The following PPARGC1A variants were observed in gnomAD, a reference collection of about 807,000 sequenced individuals.
PPARGC1A encodes PPARG coactivator 1 alpha, also known as peroxisome proliferator-activated receptor gamma coactivator 1-alpha.
PPARGC1A carries 25 observed loss-of-function variants against 88.7 expected under a neutral mutation model. The ratio of observed to expected loss-of-function variants is 0.28; its 90% CI spans 0.21 to 0.39. The LOEUF (loss-of-function observed/expected upper bound fraction) is 0.39, where lower values mean the gene tolerates loss of function less well. PPARGC1A is among the 10% of genes least tolerant of loss of function. The probability of loss-of-function intolerance (pLI) is 1.00; values close to 1 mark genes in which losing one functional copy is unlikely to be tolerated. For missense variants in PPARGC1A, 880 were observed against 968.7 expected (o/e 0.91, Z 1.22); for synonymous variants, 363 against 355.6 (o/e 1.02, Z -0.24).
chr4:24,181,909 T>C, the PPARGC1A span, among the ~76,000 whole-genome samples: 1 of 152,058 alleles, frequency 6.6e-6, no homozygotes, highest in South Asian at 2.1e-4. Flanking sequence ...TAAAGTTCCC[T>C]TATCCTGTGA....
chr4:24,052,378 T>G, the PPARGC1A span, among the ~76,000 whole-genome samples: 1 of 152,288 alleles, frequency 6.6e-6, no homozygotes, highest in South Asian at 2.1e-4. Context: ...GGTTCACACC[T>G]GTAATCCCAG....
At chr4:24,461,491 GAGAA>G in the PPARGC1A span, among the ~76,000 whole-genome samples, 1 of 152,186 alleles carries the variant, frequency 6.6e-6, no homozygotes, top group Non-Finnish European at 1.5e-5. Flanking sequence ...GGGAGAGACA[GAGAA>G]AGAGAGGGTG....
chr4:24,277,356 T>C, the PPARGC1A span, among the ~76,000 whole-genome samples: 8 of 152,260 alleles, frequency 5.3e-5, no homozygotes, highest in East Asian at 1.5e-3. Context: ...TTCTGGTGGC[T>C]TACTTTCTCC....
At chr4:23,998,419 C>A in the PPARGC1A span, among the ~76,000 whole-genome samples, 1 of 151,882 alleles carries the variant, frequency 6.6e-6, no homozygotes, top group Non-Finnish European at 1.5e-5. Flanking sequence ...CATATAACGG[C>A]AAACCTACGG....
chr4:24,155,553 A>G, the PPARGC1A span, among the ~76,000 whole-genome samples: 1 of 151,572 alleles, frequency 6.6e-6, no homozygotes, highest in African/African-American at 2.4e-5. Context: ...GTGAGCCAAG[A>G]TCTCACCACT....
the PPARGC1A span, among the ~76,000 whole-genome samples, chr4:24,322,978 G>A: frequency 6.6e-6 from 1 of 152,150 alleles, no homozygotes; most frequent in Non-Finnish European, 1.5e-5. Flanking sequence ...CGGAAAAGCA[G>A]CATATACTAT....
At chr4:24,349,912 G>C in the PPARGC1A span, among the ~76,000 whole-genome samples, 1 of 152,170 alleles carries the variant, frequency 6.6e-6, no homozygotes, top group Non-Finnish European at 1.5e-5. Context: ...CCACCCTCCC[G>C]ATGGATCCCT....
At chr4:24,031,698 C>T in the PPARGC1A span, among the ~76,000 whole-genome samples, 2 of 152,152 alleles carry the variant, frequency 1.3e-5, no homozygotes, top group Non-Finnish European at 2.9e-5. Flanking sequence ...TAGCACCCCA[C>T]CCCTAAATGT....
At chr4:24,077,316 C>A in the PPARGC1A span, among the ~76,000 whole-genome samples, 1 of 152,070 alleles carries the variant, frequency 6.6e-6, no homozygotes, top group African/African-American at 2.4e-5. Context: ...TTCATAAAGA[C>A]CTTGTATATC....
chr4:24,259,510 G>A, the PPARGC1A span, among the ~76,000 whole-genome samples: 1 of 152,074 alleles, frequency 6.6e-6, no homozygotes, highest in African/African-American at 2.4e-5. Flanking sequence ...TATATGAGGT[G>A]GTCCCATAAC....
chr4:24,062,107 T>C, the PPARGC1A span, among the ~76,000 whole-genome samples: 2 of 152,068 alleles, frequency 1.3e-5, no homozygotes, highest in Admixed American at 6.6e-5. Context: ...GCAAACTCAA[T>C]CCTAAGACAT....
chr4:23,945,436 A>G, the PPARGC1A span, among the ~76,000 whole-genome samples: 1 of 152,202 alleles, frequency 6.6e-6, no homozygotes, highest in East Asian at 1.9e-4. Flanking sequence ...ACAAGGGAAA[A>G]AAACCAGTGC....
chr4:24,184,462 G>C, the PPARGC1A span, among the ~76,000 whole-genome samples: 1 of 152,208 alleles, frequency 6.6e-6, no homozygotes, highest in Admixed American at 6.6e-5. Flanking sequence ...TCCATACCTG[G>C]TATTGTGGGA....
the PPARGC1A span, among the ~76,000 whole-genome samples, chr4:24,207,497 G>T: frequency 6.6e-6 from 1 of 152,200 alleles, no homozygotes; most frequent in Admixed American, 6.5e-5. Flanking sequence ...TAAAGAGGCA[G>T]ATCATCAACA....
At chr4:24,074,509 A>C in the PPARGC1A span, among the ~76,000 whole-genome samples, 2 of 152,096 alleles carry the variant, frequency 1.3e-5, no homozygotes, top group Non-Finnish European at 2.9e-5. Flanking sequence ...ATATAATGTA[A>C]GTTGTCCAAC....
chr4:24,440,988 C>T, the PPARGC1A span, among the ~76,000 whole-genome samples: 2 of 152,190 alleles, frequency 1.3e-5, no homozygotes, highest in Non-Finnish European at 2.9e-5. Flanking sequence ...GCAGCTGCTT[C>T]CCCCAGAAAA....
the PPARGC1A span, among the ~76,000 whole-genome samples, chr4:24,224,887 G>C: frequency 6.6e-6 from 1 of 152,152 alleles, no homozygotes; most frequent in African/African-American, 2.4e-5. Flanking sequence ...AAGACTTGAG[G>C]AAACTACAAG....
chr4:24,297,266 T>C, the PPARGC1A span, among the ~76,000 whole-genome samples: 1 of 152,158 alleles, frequency 6.6e-6, no homozygotes, highest in African/African-American at 2.4e-5. Context: ...GCTGAATAGC[T>C]TTCCTAGAGT....
chr4:23,940,632 T>C, the PPARGC1A span, among the ~76,000 whole-genome samples: 1 of 152,228 alleles, frequency 6.6e-6, no homozygotes, highest in South Asian at 2.1e-4. Context: ...TGGTCACTAA[T>C]AGCAGCATCA....
Sources: allele counts gnomAD v4.1 joint callset (sites outside exome capture counted in the v4.1 genomes callset), GRCh38; gene constraint gnomAD v4.1.1; transcripts MANE v1.5; gene names NCBI Gene and HGNC (gene_info 2026-07-23, HGNC 2026-07-21).